PRRX1: variants seen among roughly 807,000 people sequenced by gnomAD.
PRRX1 encodes paired mesoderm homeobox protein 1.
A neutral mutation model predicts 24.0 loss-of-function variants in PRRX1; 8 were observed. That is an observed-to-expected ratio of 0.33 (90% CI 0.20 to 0.60). PRRX1 has a LOEUF of 0.60. Ranked by LOEUF, PRRX1 falls within the 20% of genes least tolerant of loss-of-function variation. The pLI is 0.82. For missense variants in PRRX1, 281 were observed against 322.4 expected (o/e 0.87, Z 0.98); for synonymous variants, 160 against 131.7 (o/e 1.22, Z -1.47).
At chr1:170,715,391 A>G (rs182679749) in intron 1 of PRRX1, among the ~76,000 whole-genome samples, 10 of 152,308 alleles carry the variant, frequency 6.6e-5, no homozygotes, top group Non-Finnish European at 1.5e-4. Context: ...AAATACCTGA[A>G]TACATTAAGG....
chr1:170,681,858 A>C (rs1653556848), intron 1 of PRRX1, among the ~76,000 whole-genome samples: 1 of 152,224 alleles, frequency 6.6e-6, no homozygotes, highest in Non-Finnish European at 1.5e-5. Flanking sequence ...TAAAACACTG[A>C]CAAAAAGGGG....
At chr1:170,710,325 C>T (rs1484613005) in intron 1 of PRRX1, among the ~76,000 whole-genome samples, 1 of 152,168 alleles carries the variant, frequency 6.6e-6, no homozygotes, top group Non-Finnish European at 1.5e-5. Flanking sequence ...CTCCACAATG[C>T]TGAATTTGAA....
intron 1 of PRRX1, among the ~76,000 whole-genome samples, chr1:170,678,562 T>C (rs948199210): frequency 4.6e-5 from 7 of 152,252 alleles, no homozygotes; most frequent in African/African-American, 1.7e-4. Context: ...CATTCTGATA[T>C]ACGGAAAAGT....
At chr1:170,681,484 G>A (rs1389438796) in intron 1 of PRRX1, among the ~76,000 whole-genome samples, 1 of 132,474 alleles carries the variant, frequency 7.5e-6, no homozygotes, top group Non-Finnish European at 1.6e-5. Context: ...TGCAGAAAAT[G>A]TTATCTTTGC....
intron 1 of PRRX1, among the ~76,000 whole-genome samples, chr1:170,696,283 C>T (rs187630738): frequency 7.9e-4 from 120 of 152,214 alleles, no homozygotes; most frequent in African/African-American, 2.4e-3. Flanking sequence ...TAACCATGAC[C>T]AGCAGAGATA....
intron 1 of PRRX1, among the ~76,000 whole-genome samples, chr1:170,666,676 A>T (rs1039403895): frequency 4.6e-5 from 7 of 152,154 alleles, no homozygotes; most frequent in Admixed American, 2.6e-4. Context: ...TGAGAAAACC[A>T]GGGCCAAGGC....
chr1:170,697,216 C>T (rs1268202904), intron 1 of PRRX1, among the ~76,000 whole-genome samples: 2 of 152,110 alleles, frequency 1.3e-5, no homozygotes, highest in Non-Finnish European at 2.9e-5. Context: ...TAAGCCATGT[C>T]TTTCTTAGCT....
chr1:170,672,803 T>A (rs1262277167), intron 1 of PRRX1, among the ~76,000 whole-genome samples: 1 of 152,170 alleles, frequency 6.6e-6, no homozygotes, highest in South Asian at 2.1e-4. Flanking sequence ...ACAAATTTAG[T>A]GTTAGTCTTC....
intron 1 of PRRX1, among the ~76,000 whole-genome samples, chr1:170,689,839 CCTCTCTCTCT>C (rs71559512): frequency 3.7e-4 from 34 of 91,644 alleles, no homozygotes; most frequent in South Asian, 1.3e-3. Context: ...TCTCTCTCTC[CCTCTCTCTCT>C]CTCTCTCTCT....
At chr1:170,676,973 T>C (rs1461165941) in intron 1 of PRRX1, among the ~76,000 whole-genome samples, 1 of 152,170 alleles carries the variant, frequency 6.6e-6, no homozygotes, top group Admixed American at 6.5e-5. Flanking sequence ...TTTGTGAAAA[T>C]ATTTGAGAAA....
rs199691593 is a variant in PRRX1, at chr1:170,664,293, C to T, written c.75C>T (p.Leu25=). 1.2e-5 allele frequency: 20 copies of T among 1,613,416 alleles called. No individual in the cohort carries two copies. In the Admixed American group the frequency reaches 2.3e-4, roughly 19 times the overall value. The change falls in exon 1 of 4, where the codon CTC becomes CTT. Residue 25 remains leucine (L), a synonymous_variant. Coordinates refer to ENST00000239461, the MANE Select transcript of PRRX1 (RefSeq NM_022716.4). ...LGGRLDSPGN[L]DTLQAKKNFS... ...GCCGCTTGGACAGCCCGGGCAACCT[C>T]GACACCCTGCAGGCGAAAAAGAACT... is the stretch of plus-strand genomic sequence containing the variant.
intron 1 of PRRX1, among the ~76,000 whole-genome samples, chr1:170,708,063 G>A (rs1654622446): frequency 6.6e-6 from 1 of 152,072 alleles, no homozygotes; most frequent in Non-Finnish European, 1.5e-5. Flanking sequence ...TTTTTCTTAG[G>A]TCTTTCCTTC....
Sources: allele counts gnomAD v4.1 joint callset (sites outside exome capture counted in the v4.1 genomes callset), GRCh38; gene constraint gnomAD v4.1.1; transcripts MANE v1.5; gene names NCBI Gene and HGNC (gene_info 2026-07-23, HGNC 2026-07-21).